The following ENPP2 variants were observed in gnomAD, a reference collection of about 807,000 sequenced individuals.
ENPP2 encodes ectonucleotide pyrophosphatase/phosphodiesterase 2.
ENPP2 carries 51 observed loss-of-function variants against 120.2 expected under a neutral mutation model. The ratio of observed to expected loss-of-function variants is 0.42; its 90% CI spans 0.34 to 0.54. The LOEUF (loss-of-function observed/expected upper bound fraction) is 0.54, where lower values mean the gene tolerates loss of function less well. Among genes scored for constraint, ENPP2 ranks in the 20% least tolerant of loss-of-function variants. The probability of loss-of-function intolerance (pLI) is 0.04; values close to 1 mark genes in which losing one functional copy is unlikely to be tolerated. For synonymous variants in ENPP2, 365 were observed against 366.4 expected, an observed-to-expected ratio of 1.00 and a Z score of 0.04; for missense variants, 920 against 1,066.5, an observed-to-expected ratio of 0.86 and a Z score of 1.91.
At chr8:119,587,849 A>G (rs1042625916) in intron 13 of ENPP2, among the ~76,000 whole-genome samples, 1 of 152,314 alleles carries the variant, frequency 6.6e-6, no homozygotes, top group African/African-American at 2.4e-5. Context: ...GTATGTTATT[A>G]CAGAATCAGC....
intron 24 of ENPP2, among the ~76,000 whole-genome samples, chr8:119,562,380 T>C (rs143764647): frequency 0.018 from 2,681 of 152,186 alleles, 79 homozygotes; most frequent in African/African-American, 0.06. Flanking sequence ...GAGGTGAAGG[T>C]TGCAGTGAGC....
chr8:119,634,634 A>G (rs1319312290), intron 2 of ENPP2, among the ~76,000 whole-genome samples: 2 of 151,560 alleles, frequency 1.3e-5, no homozygotes, highest in African/African-American at 4.8e-5. Context: ...TGAGTTAGCC[A>G]AGGCCTGGAT....
rs112907915 is a variant in ENPP2 at position 119,604,185 on chromosome 8, G to A, written c.834-2723C>T. Among the ~76,000 whole-genome samples, 79 of 151,992 alleles carry A rather than the reference G, an allele frequency of 5.2e-4. 2 individuals carry two copies. The highest frequency in any genetic ancestry group is 6.8e-3 in the Middle Eastern group (2 of 294). On this transcript the variant is annotated intron_variant, in intron 9 of 24. Transcript: ENST00000075322. ...TGGGATTAAAGGTGCCTGCCACCAC[G>A]CCTGGCTAATTTTTGTATTTTTAGT...
At chr8:119,563,224 G>T (rs1814119100) in intron 23 of ENPP2, among the ~76,000 whole-genome samples, 1 of 152,184 alleles carries the variant, frequency 6.6e-6, no homozygotes, top group South Asian at 2.1e-4. Context: ...ACCTGGCAGA[G>T]TAAGAAAGAT....
intron 1 of ENPP2, among the ~76,000 whole-genome samples, chr8:119,663,119 CA>C (rs34922221): frequency 0.34 from 41,152 of 119,782 alleles, 5,607 homozygotes; most frequent in African/African-American, 0.46. Flanking sequence ...ACTCTTGTCT[CA>C]AAAAAAAAAA....
At chr8:119,565,726 C>A (rs928164251) in intron 22 of ENPP2, among the ~76,000 whole-genome samples, 2 of 152,180 alleles carry the variant, frequency 1.3e-5, no homozygotes, top group Non-Finnish European at 2.9e-5. Context: ...TTACCATCCT[C>A]TCTGAGTGAG....
intron 19 of ENPP2, among the ~76,000 whole-genome samples, chr8:119,574,321 C>G (rs1164392551): frequency 6.6e-6 from 1 of 151,514 alleles, no homozygotes; most frequent in African/African-American, 2.4e-5. Flanking sequence ...TATCTCGAGA[C>G]CAGCAACCCT....
intron 2 of ENPP2, among the ~76,000 whole-genome samples, chr8:119,629,550 C>T (rs1434044662): frequency 6.6e-6 from 1 of 152,180 alleles, no homozygotes; most frequent in Non-Finnish European, 1.5e-5. Flanking sequence ...GCCTTTATGG[C>T]ATCAGATCAG....
intron 11 of ENPP2, among the ~76,000 whole-genome samples, chr8:119,596,919 C>A (rs544487640): frequency 6.6e-6 from 1 of 151,738 alleles, no homozygotes; most frequent in Non-Finnish European, 1.5e-5. Flanking sequence ...AAAAACAGGC[C>A]CCTGATTTGC....
At chr8:119,633,680 AT>A (rs1179958763) in intron 2 of ENPP2, among the ~76,000 whole-genome samples, 1 of 151,932 alleles carries the variant, frequency 6.6e-6, no homozygotes, top group South Asian at 2.1e-4. Flanking sequence ...TTCTGACCTC[AT>A]TTTTTAGTAA....
intron 1 of ENPP2, among the ~76,000 whole-genome samples, chr8:119,655,704 T>A (rs1350015703): frequency 6.6e-6 from 1 of 152,180 alleles, no homozygotes; most frequent in East Asian, 1.9e-4. Flanking sequence ...CTCTCAACAG[T>A]CTTACAAAAT....
chr8:119,601,306 G>A (rs1814288884), intron 10 of ENPP2, 91 bp downstream of exon 10: 4 of 866,288 alleles, frequency 4.6e-6, no homozygotes, highest in Admixed American at 4.2e-5. Flanking sequence ...CCAAACATTG[G>A]CTGTGCTTCT....
At position 119,619,491 on chromosome 8, in the gene ENPP2, G is replaced by C. The variant is rs187681015; in HGVS notation, c.419-187C>G. On this transcript the variant is annotated intron_variant, in intron 4 of 24. Transcript: ENST00000075322. The stretch of plus-strand genomic sequence containing the variant: ...TATAAAGTACACCCATACATGATGG[G>C]AAAGCTAAGATTTAATAACCACAAG... 1.1e-4 allele frequency among the ~76,000 whole-genome samples: 16 copies of C among 152,006 alleles called. No individual in the cohort carries two copies. The East Asian group carries it at 3.1e-3, about 29-fold the overall frequency.
At chr8:119,634,923 C>G (rs918034285) in intron 2 of ENPP2, among the ~76,000 whole-genome samples, 2 of 151,994 alleles carry the variant, frequency 1.3e-5, no homozygotes, top group Admixed American at 6.6e-5. Flanking sequence ...AAATCTGTAC[C>G]CTCCTTAGCT....
chr8:119,589,444 C>A lies in ENPP2; in HGVS notation c.1207+1061G>T, dbSNP rs76599233. 4.6e-3 allele frequency among the ~76,000 whole-genome samples: 706 copies of A among 152,190 alleles called. 3 individuals carry two copies. The highest frequency in any genetic ancestry group is 0.016 in the African/African-American group (672 of 41,542). On this transcript the variant is annotated intron_variant, in intron 13 of 24. Coordinates refer to ENST00000075322, the MANE Select transcript of ENPP2 (RefSeq NM_001040092.3). ...TTTTTTTTCTCCTCCAAACCAACCT[C>A]CCCATTACATGTACTAATGTCAGAA...
chr8:119,565,853 G>C (rs1814380319), intron 22 of ENPP2, among the ~76,000 whole-genome samples: 1 of 151,886 alleles, frequency 6.6e-6, no homozygotes, highest in Non-Finnish European at 1.5e-5. Flanking sequence ...CCATAAGTCA[G>C]ACTGTATCTT....
At chr8:119,638,862 C>G (rs929041960), upstream of ENPP2, 3 of 1,593,306 alleles carry the variant, frequency 1.9e-6, no homozygotes, top group South Asian at 2.2e-5. Context: ...TGGGTTTAGT[C>G]TATTAACTAT....
Position 119,557,569 on chromosome 8 carries a change from T to A in ENPP2, c.2544A>T (p.Glu848Asp). ...FFRKTSRSYPEILTLKTYLHT... is the reference protein window; with the variant it reads ...FFRKTSRSYPDILTLKTYLHT... ...GCAGGTATGTCTTGAGTGTCAGGAT[T>A]TCTGGGTAGCTGCGGCTGGTCTTTC... Residue 848 changes from glutamate (E) to aspartate (D), a missense_variant, in exon 25 of 25, where the codon GAA becomes GAT. Coordinates refer to ENST00000075322, the MANE Select transcript of ENPP2 (RefSeq NM_001040092.3). The A allele has an allele frequency of 1.2e-6, 2 of 1,613,322 alleles. No homozygotes were observed. Among genetic ancestry groups the A allele is most frequent in the Non-Finnish European group, 1.7e-6 (2 of 1,179,986 alleles).
intron 5 of ENPP2, 93 bp from the exon 6 acceptor site, chr8:119,617,656 A>G (rs752813516): frequency 2.2e-5 from 20 of 924,904 alleles, no homozygotes; most frequent in Non-Finnish European, 3.4e-5. Flanking sequence ...ATAATTTCCA[A>G]GAAAAAATTT....
Sources: gnomAD v4.1 joint callset for allele counts (sites outside exome capture counted in the v4.1 genomes callset) on GRCh38, gnomAD v4.1.1 for gene constraint, MANE v1.5 for transcripts, NCBI Gene and HGNC (gene_info 2026-07-23, HGNC 2026-07-21) for gene names.